BTRC: variants seen among roughly 807,000 people sequenced by gnomAD.
BTRC encodes the protein F-box/WD repeat-containing protein 1A.
BTRC carries 42 observed loss-of-function variants against 85.5 expected under a neutral mutation model. That is an observed-to-expected ratio of 0.49 (90% CI 0.38 to 0.64). The LOEUF is 0.64. BTRC is among the 30% of genes least tolerant of loss of function. The pLI is 0.00. For missense variants in BTRC, 594 were observed against 743.5 expected, an observed-to-expected ratio of 0.80 and a Z score of 2.34; for synonymous variants, 255 against 263.3, an observed-to-expected ratio of 0.97 and a Z score of 0.30.
intron 1 of BTRC, among the ~76,000 whole-genome samples, chr10:101,413,126 GT>G (rs1943828060): frequency 6.6e-6 from 1 of 152,062 alleles, no homozygotes; most frequent in African/African-American, 2.4e-5. Flanking sequence ...TTGTTTGTTT[GT>G]TTTGGGTTTG....
At chr10:101,366,337 G>T (rs1480027906) in intron 1 of BTRC, among the ~76,000 whole-genome samples, 1 of 151,876 alleles carries the variant, frequency 6.6e-6, no homozygotes, top group Non-Finnish European at 1.5e-5. Flanking sequence ...GCAGAGGGGG[G>T]TGAAGATACA....
rs1364182611 is a variant in BTRC, at chr10:101,366,792, T to TATA, written c.48+12564_48+12565insATA. On this transcript the variant is annotated intron_variant, in intron 1 of 14. Coordinates refer to ENST00000370187, the MANE Select transcript of BTRC (RefSeq NM_033637.4). The stretch of plus-strand genomic sequence containing the variant: ...TATATATATATATATATATATATTT[T>TATA]TACATTTATATATATATTTATATAT... Among the ~76,000 whole-genome samples the TATA allele has an allele frequency of 4.7e-4, 41 of 88,096 alleles. 1 individual carries two copies. The highest frequency in any genetic ancestry group is 1.0e-3 in the Admixed American group (5 of 4,808). The allele number at this position is 88,096 out of a possible 152,430, so 57.8% of individuals were successfully genotyped here.
chr10:101,387,032 A>G (rs960111273), intron 1 of BTRC, among the ~76,000 whole-genome samples: 6 of 152,116 alleles, frequency 3.9e-5, no homozygotes, highest in Non-Finnish European at 2.9e-5. Flanking sequence ...TTGGAAGAAC[A>G]TGCATTCTCC....
At chr10:101,417,445 T>C (rs2134042855) in intron 1 of BTRC, among the ~76,000 whole-genome samples, 1 of 152,348 alleles carries the variant, frequency 6.6e-6, no homozygotes, top group South Asian at 2.1e-4. Context: ...GACAGGAATA[T>C]CACAGAGGTG....
chr10:101,548,918 T>C (rs1186479336), intron 13 of BTRC, among the ~76,000 whole-genome samples: 1 of 149,908 alleles, frequency 6.7e-6, no homozygotes, highest in Non-Finnish European at 1.5e-5. Context: ...CTGGGTGTGG[T>C]GGCATGTGCC....
At chr10:101,522,387 A>AAAAAAAC (rs2062126633) in intron 5 of BTRC, among the ~76,000 whole-genome samples, 1 of 137,622 alleles carries the variant, frequency 7.3e-6, no homozygotes, top group African/African-American at 2.6e-5. Flanking sequence ...CAAAAAAAAA[A>AAAAAAAC]AAACTCTAGA....
upstream of BTRC, chr10:101,354,120 C>T: frequency 1.9e-6 from 3 of 1,539,762 alleles, no homozygotes; most frequent in Non-Finnish European, 1.8e-6. Context: ...GCTGCGTTGG[C>T]TGCGGCCTGG....
intron 1 of BTRC, among the ~76,000 whole-genome samples, chr10:101,396,502 A>T (rs577262761): frequency 2.0e-5 from 3 of 150,178 alleles, no homozygotes; most frequent in African/African-American, 7.4e-5. Flanking sequence ...TTCAGCTAGT[A>T]TTAAGCCCAC....
intron 4 of BTRC, among the ~76,000 whole-genome samples, chr10:101,485,588 GA>G (rs1332166708): frequency 5.9e-5 from 9 of 152,150 alleles, no homozygotes; most frequent in African/African-American, 1.9e-4. Context: ...TAGTTCTTTT[GA>G]ACTACCGTGT....
intron 1 of BTRC, among the ~76,000 whole-genome samples, chr10:101,393,649 C>T (rs188712694): frequency 6.6e-6 from 1 of 152,190 alleles, no homozygotes; most frequent in Admixed American, 6.5e-5. Flanking sequence ...CAAAAACAAC[C>T]CACATTTGGT....
chr10:101,439,276 CT>C (rs1489408747), intron 2 of BTRC, among the ~76,000 whole-genome samples: 3 of 152,134 alleles, frequency 2.0e-5, no homozygotes, highest in Non-Finnish European at 2.9e-5. Flanking sequence ...GTAATTTCAT[CT>C]TTTAGCTAAG....
chr10:101,521,603 T>A (rs2062106758), intron 4 of BTRC, 36 bp from the exon 5 acceptor site: 1 of 1,441,858 alleles, frequency 6.9e-7, no homozygotes, highest in Middle Eastern at 1.8e-4. Flanking sequence ...TTTTCAATAC[T>A]AATCATTTTA....
At chr10:101,548,546 G>A (rs2062595029) in intron 13 of BTRC, among the ~76,000 whole-genome samples, 1 of 152,172 alleles carries the variant, frequency 6.6e-6, no homozygotes, top group African/African-American at 2.4e-5. Context: ...GAGCTCAGCA[G>A]TTGGAGACCA....
At chr10:101,356,210 C>T (rs1942029837) in intron 1 of BTRC, among the ~76,000 whole-genome samples, 1 of 152,158 alleles carries the variant, frequency 6.6e-6, no homozygotes, top group Non-Finnish European at 1.5e-5. Context: ...CTATGTTGGC[C>T]AGGATGGTCT....
chr10:101,483,286 C>G (rs937171948), intron 4 of BTRC, among the ~76,000 whole-genome samples: 4 of 151,924 alleles, frequency 2.6e-5, no homozygotes, highest in African/African-American at 7.2e-5. Context: ...AAGAAAGAGG[C>G]CTAAGAAAAA....
intron 2 of BTRC, among the ~76,000 whole-genome samples, chr10:101,450,240 G>A (rs888384986): frequency 1.1e-4 from 16 of 152,052 alleles, no homozygotes; most frequent in African/African-American, 1.4e-4. Flanking sequence ...GTGTAATATC[G>A]CTCCTATTCA....
At chr10:101,422,229 G>A (rs956562517) in intron 1 of BTRC, among the ~76,000 whole-genome samples, 2 of 152,204 alleles carry the variant, frequency 1.3e-5, no homozygotes, top group African/African-American at 4.8e-5. Flanking sequence ...CAGTGATGAT[G>A]AGCATTTTTT....
At chr10:101,493,254 A>G (rs1946178941) in intron 4 of BTRC, among the ~76,000 whole-genome samples, 2 of 152,252 alleles carry the variant, frequency 1.3e-5, no homozygotes, top group Non-Finnish European at 2.9e-5. Context: ...TTTAAAAAGT[A>G]CTAAAATCCA....
Position 101,461,911 on chromosome 10 carries a change from A to G in BTRC, c.157-70A>G, listed in dbSNP as rs1589499295. On this transcript the variant is annotated intron_variant, in intron 2 of 14. Coordinates refer to ENST00000370187, the MANE Select transcript of BTRC (RefSeq NM_033637.4). ...TCTAACTTACAGAATTAGAAATGTA[A>G]TTCAGTTTACTCCCAAAGGATAAGA... is the stretch of plus-strand genomic sequence containing the variant. The G allele has an allele frequency of 3.5e-6, 4 of 1,128,342 alleles. No homozygotes were observed. The East Asian group carries it at 7.1e-5, about 20-fold the overall frequency. 69.9% of individuals were successfully genotyped at this position (1,128,342 alleles called of 1,614,324 possible). A position where few individuals can be genotyped will look rare whatever the true frequency, so the allele number is the denominator to read the frequency against.
Sources: allele counts gnomAD v4.1 joint callset (sites outside exome capture counted in the v4.1 genomes callset), GRCh38; gene constraint gnomAD v4.1.1; transcripts MANE v1.5; gene names NCBI Gene and HGNC (gene_info 2026-07-23, HGNC 2026-07-21).